The following FAM110B variants were observed in gnomAD, a reference collection of about 807,000 sequenced individuals.
FAM110B encodes the protein protein FAM110B.
Under a neutral mutation model 20.4 loss-of-function variants are expected in FAM110B, and 6 were observed. That is an observed-to-expected ratio of 0.29 (90% CI 0.16 to 0.58). The LOEUF (loss-of-function observed/expected upper bound fraction) is 0.58, where lower values mean the gene tolerates loss of function less well. FAM110B is among the 20% of genes least tolerant of loss of function. The probability of loss-of-function intolerance (pLI) is 0.90; values close to 1 mark genes in which losing one functional copy is unlikely to be tolerated. For missense variants in FAM110B, 434 were observed against 498.2 expected (o/e 0.87, Z 1.23); for synonymous variants, 226 against 214.1 (o/e 1.06, Z -0.49).
intron 1 of FAM110B, among the ~76,000 whole-genome samples, chr8:58,017,735 A>G (rs538469408): frequency 1.3e-5 from 2 of 152,320 alleles, no homozygotes; most frequent in Non-Finnish European, 2.9e-5. Flanking sequence ...CTTGGAATCA[A>G]CACACAATTG....
At chr8:58,122,641 C>T (rs188117433) in intron 3 of FAM110B, among the ~76,000 whole-genome samples, 175 of 152,054 alleles carry the variant, frequency 1.2e-3, no homozygotes, top group Non-Finnish European at 1.9e-3. Context: ...TTTTTAAGTG[C>T]GTTTGCTTTT....
Position 58,075,547 on chromosome 8 carries a change from G to T in FAM110B, c.-401G>T, listed in dbSNP as rs1806017532. The stretch of plus-strand genomic sequence containing the variant: ...CTTTGATTTTTAGCAATTTCCTGCT[G>T]CAGAGAGCATTTTAAGAAAGGACAG... On this transcript the variant is annotated 5_prime_UTR_variant, in exon 3 of 4. Transcript: ENST00000519262. 1 of 152,088 alleles carries T rather than the reference G, an allele frequency of 6.6e-6. No homozygotes were observed. Among genetic ancestry groups the T allele is most frequent in the South Asian group, 2.1e-4 (1 of 4,826 alleles). 9.4% of individuals were successfully genotyped at this position (152,088 alleles called of 1,614,324 possible).
intron 3 of FAM110B, among the ~76,000 whole-genome samples, chr8:58,114,232 T>TC (rs1327572115): frequency 6.6e-6 from 1 of 152,194 alleles, no homozygotes; most frequent in Non-Finnish European, 1.5e-5. Context: ...GAAGGGCTTG[T>TC]ACTGGTCTGG....
rs1043186503 is a variant in FAM110B, at chr8:58,022,616, T to C, written c.-511-8990T>C. 4.6e-5 allele frequency among the ~76,000 whole-genome samples: 7 copies of C among 152,368 alleles called. No individual in the cohort carries two copies. In the East Asian group the frequency reaches 1.2e-3, roughly 25 times the overall value. On this transcript the variant is annotated intron_variant, in intron 1 of 3. Transcript: ENST00000519262. The stretch of plus-strand genomic sequence containing the variant: ...TTTATATTTCAGCCTTTAAAAAAAG[T>C]ATCCAGTGGATTCTGTTTGGTTTTA...
chr8:58,036,367 C>T (rs566915156), intron 2 of FAM110B, among the ~76,000 whole-genome samples: 1 of 152,344 alleles, frequency 6.6e-6, no homozygotes, highest in Admixed American at 6.5e-5. Flanking sequence ...GAAATCAAGA[C>T]TTATTATCTT....
chr8:58,115,675 A>G (rs1290847459), intron 3 of FAM110B, among the ~76,000 whole-genome samples: 1 of 152,130 alleles, frequency 6.6e-6, no homozygotes, highest in Non-Finnish European at 1.5e-5. Flanking sequence ...ATTACAGCAG[A>G]GTCTTGAAGT....
chr8:58,144,316 C>G lies in FAM110B; in HGVS notation c.-324-1591C>G, dbSNP rs143431339. Among the ~76,000 whole-genome samples the G allele has an allele frequency of 7.2e-5, 11 of 152,284 alleles. No homozygotes were observed. The East Asian group carries it at 1.9e-3, about 27-fold the overall frequency. ...CTGTAAAGAGGATGAGATTGTGCCT[C>G]CAGAGGAATCGGGGCTCCCTTCTGG... On this transcript the variant is annotated intron_variant, in intron 3 of 3. Coordinates refer to ENST00000519262, the MANE Select transcript of FAM110B (RefSeq NM_001377989.1).
intron 3 of FAM110B, among the ~76,000 whole-genome samples, chr8:58,097,179 C>A (rs1052192738): frequency 1.3e-5 from 2 of 152,178 alleles, no homozygotes; most frequent in African/African-American, 4.8e-5. Flanking sequence ...TCAGGTACAC[C>A]AATCAGACAT....
At chr8:58,112,272 T>G (rs1458979821) in intron 3 of FAM110B, among the ~76,000 whole-genome samples, 1 of 152,204 alleles carries the variant, frequency 6.6e-6, no homozygotes, top group African/African-American at 2.4e-5. Context: ...GAGGTTGCAG[T>G]GAGCCAAGAT....
chr8:58,054,148 A>G (rs1423246700), intron 2 of FAM110B, among the ~76,000 whole-genome samples: 1 of 152,220 alleles, frequency 6.6e-6, no homozygotes, highest in Non-Finnish European at 1.5e-5. Context: ...TACACATCCA[A>G]TTAGGTTACA....
intron 3 of FAM110B, among the ~76,000 whole-genome samples, chr8:58,114,632 T>G (rs947761508): frequency 1.3e-5 from 2 of 152,222 alleles, no homozygotes; most frequent in East Asian, 3.8e-4. Flanking sequence ...ATATCTCCAC[T>G]GGCAGCAAGG....
At chr8:57,996,835 A>G (rs1035627467) in intron 1 of FAM110B, among the ~76,000 whole-genome samples, 1 of 152,238 alleles carries the variant, frequency 6.6e-6, no homozygotes. Context: ...ATATACAACA[A>G]CCAGAGCATT....
In FAM110B at chr8:58,006,901, GTA is replaced by G. The variant is rs761091750; in HGVS notation, c.-512+12117_-512+12118del. ...TGAGCCACTGGGCCTGGCTTAATTG[GTA>G]TATATATATATATATATATATTTTT... On this transcript the variant is annotated intron_variant, in intron 1 of 3. Transcript: ENST00000519262. 6.4e-4 allele frequency among the ~76,000 whole-genome samples: 62 copies of G among 97,482 alleles called. 2 individuals carry two copies. The highest frequency in any genetic ancestry group is 1.1e-3 in the African/African-American group (32 of 29,082). The allele number at this position is 97,482 out of a possible 152,430, so 64.0% of individuals were successfully genotyped here.
At chr8:58,014,924 G>A (rs2150567234) in intron 1 of FAM110B, among the ~76,000 whole-genome samples, 1 of 152,070 alleles carries the variant, frequency 6.6e-6, no homozygotes, top group East Asian at 1.9e-4. Flanking sequence ...AAGACTTTAG[G>A]CCATGAAAAT....
At position 58,146,160 on chromosome 8, in the gene FAM110B, G is replaced by GT. The variant is rs1803857897; in HGVS notation, c.-70dup. The GT allele has an allele frequency of 4.0e-6, 6 of 1,506,812 alleles. No homozygotes were observed. In the South Asian group the frequency reaches 5.4e-5, roughly 13 times the overall value. The allele number at this position is 1,506,812 out of a possible 1,614,324, so 93.3% of individuals were successfully genotyped here. On this transcript the variant is annotated 5_prime_UTR_variant, in exon 4 of 4. Coordinates refer to ENST00000519262, the MANE Select transcript of FAM110B (RefSeq NM_001377989.1). The stretch of plus-strand genomic sequence containing the variant: ...GCCGCCCTTGGCGCTTCATGTACAT[G>GT]TGTCTATTCAGGCCTTGCGGAGGCG...
At position 58,146,239 on chromosome 8, in the gene FAM110B, G is replaced by T. The variant is rs142607883; in HGVS notation, c.9G>T (p.Thr3=). The T allele has an allele frequency of 1.0e-5, 16 of 1,597,300 alleles. No individual in the cohort carries two copies. Among genetic ancestry groups the T allele is most frequent in the Admixed American group, 5.1e-5 (3 of 59,036 alleles). The change falls in exon 4 of 4, where the codon ACG becomes ACT. Residue 3 remains threonine (T), a synonymous_variant. Coordinates refer to ENST00000519262, the MANE Select transcript of FAM110B (RefSeq NM_001377989.1). MP[T]ETLQTGSMVK... is the part of the protein sequence containing the mutation. ...GGGAAAGACCGCCCACCATGCCCAC[G>T]GAGACCCTACAGACAGGTAGCATGG...
intron 2 of FAM110B, among the ~76,000 whole-genome samples, chr8:58,057,502 T>C (rs1379573512): frequency 6.6e-6 from 1 of 152,238 alleles, no homozygotes; most frequent in Non-Finnish European, 1.5e-5. Context: ...TATACTGCTG[T>C]GAACCAACCT....
chr8:58,095,115 T>C (rs1210756855), intron 3 of FAM110B, among the ~76,000 whole-genome samples: 1 of 152,232 alleles, frequency 6.6e-6, no homozygotes, highest in Non-Finnish European at 1.5e-5. Flanking sequence ...TCATTTTTTA[T>C]TGCATCTATT....
intron 1 of FAM110B, among the ~76,000 whole-genome samples, chr8:58,002,131 TG>T (rs1804311296): frequency 6.6e-6 from 1 of 152,176 alleles, no homozygotes; most frequent in African/African-American, 2.4e-5. Context: ...CCACCCACAT[TG>T]GGGAGGGCCT....
Sources: gnomAD v4.1 joint callset for allele counts (sites outside exome capture counted in the v4.1 genomes callset) on GRCh38, gnomAD v4.1.1 for gene constraint, MANE v1.5 for transcripts, NCBI Gene and HGNC (gene_info 2026-07-23, HGNC 2026-07-21) for gene names.